Variants in TTC19 observed in about 807,000 individuals in gnomAD.
The protein encoded by TTC19 is tetratricopeptide repeat domain 19.
A neutral mutation model predicts 49.5 loss-of-function variants in TTC19; 38 were observed. The observed-to-expected ratio is 0.77, with a 90% CI of 0.59 to 1.01. The LOEUF (loss-of-function observed/expected upper bound fraction) is 1.01, where lower values mean the gene tolerates loss of function less well. TTC19 is among the 50% of genes least tolerant of loss of function. TTC19 has a pLI of 0.00. For missense variants in TTC19, 475 were observed against 477.7 expected, an observed-to-expected ratio of 0.99 and a Z score of 0.05; for synonymous variants, 204 against 185.2, an observed-to-expected ratio of 1.10 and a Z score of -0.83.
downstream of TTC19, chr17:16,032,576 T>C: frequency 2.4e-6 from 3 of 1,245,228 alleles, no homozygotes; most frequent in Admixed American, 2.7e-5. Context: ...ATAGGATTAT[T>C]GTAAAATGGT....
At position 16,026,608 on chromosome 17, in the gene TTC19, T is replaced by G. The variant is rs372728896; in HGVS notation, c.900T>G (p.Ile300Met). 2.5e-6 allele frequency: 4 copies of G among 1,614,030 alleles called. No individual in the cohort carries two copies. The African/African-American group carries it at 5.3e-5, about 22-fold the overall frequency. ...AGGGCCGCTTTGATGAGGCCTATAT[T>G]TATATGCAAAGGGCATCAGATCTGG... ...DAQGRFDEAY[I>M]YMQRASDLAR... The change falls in exon 9 of 10, where the codon ATT becomes ATG. Residue 300 changes from isoleucine (I) to methionine (M), a missense_variant. Ile to Met is a conservative substitution (Grantham distance 10). Coordinates refer to ENST00000261647, the MANE Select transcript of TTC19 (RefSeq NM_017775.4).
At chr17:16,013,794 G>A (rs137861466) in intron 7 of TTC19, among the ~76,000 whole-genome samples, 15 of 152,260 alleles carry the variant, frequency 9.9e-5, no homozygotes, top group African/African-American at 3.1e-4. Context: ...TGTCAAGTTC[G>A]TAAAGTGCCT....
At chr17:16,026,399 T>C (rs1971561799) in intron 8 of TTC19, 141 bp from the exon 9 acceptor site, 1 of 750,312 alleles carries the variant, frequency 1.3e-6, no homozygotes. Flanking sequence ...CCCACAAATT[T>C]GTTAAAGAAT....
chr17:16,018,952 C>G (rs570988432), intron 7 of TTC19, among the ~76,000 whole-genome samples: 1 of 151,924 alleles, frequency 6.6e-6, no homozygotes, highest in Non-Finnish European at 1.5e-5. Context: ...TATTTAAATC[C>G]CTGTATACCC....
chr17:16,017,620 G>A (rs956720546), intron 7 of TTC19, among the ~76,000 whole-genome samples: 2 of 151,732 alleles, frequency 1.3e-5, no homozygotes, highest in Admixed American at 6.6e-5. Flanking sequence ...AATGAGCTAG[G>A]TGTGGTGGCG....
chr17:16,001,247 C>T (rs1970719772), intron 2 of TTC19, among the ~76,000 whole-genome samples: 1 of 152,214 alleles, frequency 6.6e-6, no homozygotes, highest in African/African-American at 2.4e-5. Flanking sequence ...CTTGCCTTGG[C>T]TTGCAACACC....
chr17:16,000,732 G>A (rs937972455), intron 2 of TTC19, among the ~76,000 whole-genome samples: 21 of 151,668 alleles, frequency 1.4e-4, no homozygotes, highest in African/African-American at 4.9e-4. Flanking sequence ...CCTACTCGAT[G>A]CCAACAACGT....
At position 16,038,761 on chromosome 17, in the gene TTC19, T is replaced by TTGTG. The variant is rs531292443; in HGVS notation, c.248-5736_248-5733dup. ...TATGGCTTACGATTATTTTATTTTATTGTGTGTGTCTGTGTATGTATGTAT... is the reference window on the plus strand; with the variant it reads ...TATGGCTTACGATTATTTTATTTTATTGTGTGTGTGTGTCTGTGTATGTATGTAT... On this transcript the variant is annotated intron_variant, in intron 2 of 2. Transcript: ENST00000470649. Among the ~76,000 whole-genome samples, 6 of 152,072 alleles carry TTGTG rather than the reference T, an allele frequency of 3.9e-5. No individual in the cohort carries two copies. The South Asian group carries it at 1.0e-3, about 26-fold the overall frequency.
chr17:16,034,046 G>C (rs1024159026), downstream of TTC19, among the ~76,000 whole-genome samples: 17 of 152,164 alleles, frequency 1.1e-4, no homozygotes, highest in Non-Finnish European at 4.4e-5. Context: ...TGATTTCTTA[G>C]TATTTCCCTA....
chr17:16,028,818 CAAAAAAAAAAA>C lies in TTC19; in HGVS notation c.*1314_*1324del, dbSNP rs59177775. 96 of 98,960 alleles carry C rather than the reference CAAAAAAAAAAA, an allele frequency of 9.7e-4. No individual in the cohort carries two copies. Among genetic ancestry groups the C allele is most frequent in the Middle Eastern group, 4.3e-3 (1 of 230 alleles). The allele number at this position is 98,960 out of a possible 1,614,324, so 6.1% of individuals were successfully genotyped here. A position where few individuals can be genotyped will look rare whatever the true frequency, so the allele number is the denominator to read the frequency against. On this transcript the variant is annotated 3_prime_UTR_variant, in exon 10 of 10. Coordinates refer to ENST00000261647, the MANE Select transcript of TTC19 (RefSeq NM_017775.4). ...GTATCCCAGTAATCTTTGCATTTCT[CAAAAAAAAAAA>C]AAAAAAAAAAAAAAAAACTTTCTGA... is the stretch of plus-strand genomic sequence containing the variant.
intron 7 of TTC19, 46 bp from the exon 8 acceptor site, chr17:16,024,971 G>T (rs754203038): frequency 6.2e-7 from 1 of 1,600,324 alleles, no homozygotes; most frequent in South Asian, 1.1e-5. Flanking sequence ...GTGGGTCCTG[G>T]TAACAACCAT....
chr17:16,021,608 G>C (rs1971387453), intron 7 of TTC19, among the ~76,000 whole-genome samples: 1 of 152,042 alleles, frequency 6.6e-6, no homozygotes, highest in African/African-American at 2.4e-5. Context: ...GAATGGGAGA[G>C]AATAGGCCAA....
intron 7 of TTC19, among the ~76,000 whole-genome samples, chr17:16,018,262 C>T (rs1320807438): frequency 6.6e-6 from 1 of 151,964 alleles, no homozygotes; most frequent in Non-Finnish European, 1.5e-5. Context: ...CCCTGGTGAA[C>T]CTTCATTTTT....
rs1597473762 is a variant in TTC19 at position 16,028,184 on chromosome 17, T to C, written c.*662T>C. On this transcript the variant is annotated 3_prime_UTR_variant, in exon 10 of 10. Coordinates refer to ENST00000261647, the MANE Select transcript of TTC19 (RefSeq NM_017775.4). The stretch of plus-strand genomic sequence containing the variant: ...ATAAAACTAAAAATGGGGGTGTTTA[T>C]ATAAAACTAAAAACTAAGAATGATG... 2.2e-6 allele frequency: 1 copy of C among 454,090 alleles called. No individual in the cohort carries two copies. 28.1% of individuals were successfully genotyped at this position (454,090 alleles called of 1,614,324 possible). A position where few individuals can be genotyped will look rare whatever the true frequency, so the allele number is the denominator to read the frequency against.
chr17:16,016,427 A>G (rs1219114215), intron 7 of TTC19, among the ~76,000 whole-genome samples: 2 of 151,924 alleles, frequency 1.3e-5, no homozygotes, highest in Non-Finnish European at 2.9e-5. Context: ...AGAATGTTGT[A>G]TGTGCATTTG....
At chr17:16,040,214 T>G in intron 2 of TTC19, 1 of 638,352 alleles carries the variant, frequency 1.6e-6, no homozygotes, top group South Asian at 1.5e-5. Flanking sequence ...ACAGTGTTCT[T>G]TAATAGTTTC....
intron 2 of TTC19, among the ~76,000 whole-genome samples, chr17:16,041,839 C>T (rs1294066557): frequency 6.6e-6 from 1 of 152,138 alleles, no homozygotes; most frequent in Non-Finnish European, 1.5e-5. Context: ...CAGGTTCACG[C>T]CACTCTCCTG....
At chr17:16,017,314 T>G (rs1400291176) in intron 7 of TTC19, among the ~76,000 whole-genome samples, 1 of 151,934 alleles carries the variant, frequency 6.6e-6, no homozygotes, top group African/African-American at 2.4e-5. Context: ...CCAGGCATGG[T>G]GACGGGTGCC....
chr17:16,000,498 T>C, intron 2 of TTC19: 1 of 1,053,226 alleles, frequency 9.5e-7, no homozygotes, highest in Non-Finnish European at 1.3e-6. Context: ...CATCACGCTT[T>C]ATGCAAACGA....
Sources: allele counts gnomAD v4.1 joint callset (sites outside exome capture counted in the v4.1 genomes callset), GRCh38; gene constraint gnomAD v4.1.1; transcripts MANE v1.5; gene names NCBI Gene and HGNC (gene_info 2026-07-23, HGNC 2026-07-21).